Variants in TRDN observed in about 807,000 individuals in gnomAD.
TRDN encodes the protein triadin in skeletal muscle.
In TRDN, 161 loss-of-function variants were observed where a neutral mutation model predicts 149.7. The ratio of observed to expected loss-of-function variants is 1.08; its 90% CI spans 0.95 to 1.23. TRDN has a LOEUF of 1.23. TRDN is among the 50% of genes most tolerant of loss of function. The pLI, the probability that TRDN is intolerant of heterozygous loss-of-function variation, is 0.00. For missense variants in TRDN, 896 were observed against 823.5 expected (o/e 1.09, Z -1.08); for synonymous variants, 294 against 250.5 (o/e 1.17, Z -1.64).
intron 24 of TRDN, among the ~76,000 whole-genome samples, chr6:123,283,820 G>GA (rs960571312): frequency 1.2e-4 from 18 of 147,976 alleles, no homozygotes; most frequent in African/African-American, 4.5e-4. Flanking sequence ...AATTACCAAT[G>GA]AAAAAAAATT....
chr6:123,353,084 C>G (rs1245800715), intron 20 of TRDN, among the ~76,000 whole-genome samples: 2 of 151,770 alleles, frequency 1.3e-5, no homozygotes, highest in East Asian at 3.9e-4. Context: ...GGTGCTGTAC[C>G]CCTTTCTCTA....
chr6:123,559,630 G>A (rs746016456), intron 2 of TRDN, among the ~76,000 whole-genome samples: 17 of 152,098 alleles, frequency 1.1e-4, no homozygotes, highest in Admixed American at 2.0e-4. Context: ...CCATCCCACA[G>A]CATGCTTTGA....
At chr6:123,249,843 C>A (rs967548613) in intron 38 of TRDN, among the ~76,000 whole-genome samples, 21 of 152,002 alleles carry the variant, frequency 1.4e-4, no homozygotes, top group African/African-American at 5.1e-4. Flanking sequence ...AATAGAATGT[C>A]CCAGCCAGAA....
intron 38 of TRDN, among the ~76,000 whole-genome samples, chr6:123,247,882 T>A (rs2114560505): frequency 6.6e-6 from 1 of 152,268 alleles, no homozygotes; most frequent in South Asian, 2.1e-4. Flanking sequence ...AACAGCATGG[T>A]ACTGGTACCA....
At chr6:123,539,567 T>C (rs1405781761) in intron 4 of TRDN, among the ~76,000 whole-genome samples, 2 of 152,158 alleles carry the variant, frequency 1.3e-5, no homozygotes, top group African/African-American at 4.8e-5. Flanking sequence ...AGGGAAACAA[T>C]ACCAATACCT....
Position 123,619,341 on chromosome 6 carries a change from T to C in TRDN, c.22+17413A>G, listed in dbSNP as rs536662487. Among the ~76,000 whole-genome samples, 7 of 152,286 alleles carry C rather than the reference T, an allele frequency of 4.6e-5. No individual in the cohort carries two copies. The South Asian group carries it at 1.4e-3, about 32-fold the overall frequency. ...GGGACTAGAGGATCCATTATCAAGATGACTCATTCACATTGCTGGAAAGTT... is the reference window on the plus strand; with the variant it reads ...GGGACTAGAGGATCCATTATCAAGACGACTCATTCACATTGCTGGAAAGTT... On this transcript the variant is annotated intron_variant, in intron 1 of 40. Coordinates refer to ENST00000334268, the MANE Select transcript of TRDN (RefSeq NM_006073.4).
intron 12 of TRDN, among the ~76,000 whole-genome samples, chr6:123,422,735 C>T (rs1237932829): frequency 6.6e-6 from 1 of 151,994 alleles, no homozygotes; most frequent in African/African-American, 2.4e-5. Flanking sequence ...TAAAATGGGG[C>T]AAGTTTATGT....
At chr6:123,352,854 C>T (rs574117509) in intron 20 of TRDN, among the ~76,000 whole-genome samples, 6 of 151,870 alleles carry the variant, frequency 4.0e-5, no homozygotes, top group Non-Finnish European at 7.4e-5. Context: ...TAAACAAGCT[C>T]TACATAGAAT....
chr6:123,591,130 G>C (rs907481398), intron 1 of TRDN, among the ~76,000 whole-genome samples: 1 of 152,084 alleles, frequency 6.6e-6, no homozygotes, highest in African/African-American at 2.4e-5. Context: ...CAAATCCATA[G>C]AGTATTTTTC....
At chr6:123,350,057 A>C (rs1780399321) in intron 21 of TRDN, 3 of 983,274 alleles carry the variant, frequency 3.1e-6, no homozygotes, top group Non-Finnish European at 3.6e-6. Context: ...ATTTTATTAT[A>C]GTGAACTCTG....
intron 38 of TRDN, among the ~76,000 whole-genome samples, chr6:123,227,656 ATTAAG>A (rs1263617785): frequency 2.6e-5 from 4 of 152,132 alleles, no homozygotes; most frequent in South Asian, 2.1e-4. Flanking sequence ...GCTAGGCCCT[ATTAAG>A]TTATTTCATA....
At chr6:123,505,468 T>C (rs559411988) in intron 7 of TRDN, among the ~76,000 whole-genome samples, 47 of 152,146 alleles carry the variant, frequency 3.1e-4, no homozygotes, top group Non-Finnish European at 6.5e-4. Context: ...AAAACACTGT[T>C]TCTCAGATAC....
intron 1 of TRDN, among the ~76,000 whole-genome samples, chr6:123,584,895 A>C (rs1011431314): frequency 3.9e-5 from 6 of 152,168 alleles, no homozygotes; most frequent in African/African-American, 1.4e-4. Context: ...CAGATCCTGA[A>C]CTAACTTGTA....
At chr6:123,246,639 G>T (rs561765569) in intron 38 of TRDN, among the ~76,000 whole-genome samples, 1 of 151,898 alleles carries the variant, frequency 6.6e-6, no homozygotes, top group East Asian at 1.9e-4. Flanking sequence ...TGGATTCACA[G>T]CCAAGTTCTA....
chr6:123,292,916 C>T (rs977252194), intron 24 of TRDN, among the ~76,000 whole-genome samples: 8 of 152,132 alleles, frequency 5.3e-5, no homozygotes, highest in African/African-American at 1.7e-4. Flanking sequence ...ATCACTTTAG[C>T]CAATCCCTTG....
intron 28 of TRDN, 79 bp from the exon 29 acceptor site, chr6:123,273,090 C>T: frequency 2.2e-6 from 2 of 926,396 alleles, no homozygotes; most frequent in African/African-American, 1.8e-5. Flanking sequence ...CAAATGTGCC[C>T]ATAGAGAAAA....
At chr6:123,513,839 C>T (rs1779291822) in intron 6 of TRDN, among the ~76,000 whole-genome samples, 1 of 151,896 alleles carries the variant, frequency 6.6e-6, no homozygotes, top group Non-Finnish European at 1.5e-5. Context: ...CATATTTCAA[C>T]TTATCTGATT....
chr6:123,609,214 A>T (rs1449142124), intron 1 of TRDN, among the ~76,000 whole-genome samples: 1 of 152,074 alleles, frequency 6.6e-6, no homozygotes, highest in Non-Finnish European at 1.5e-5. Context: ...TATTCAACAA[A>T]AAAGGATCAG....
chr6:123,488,320 AATG>A (rs952807042), intron 9 of TRDN, among the ~76,000 whole-genome samples: 5 of 152,100 alleles, frequency 3.3e-5, no homozygotes, highest in African/African-American at 1.2e-4. Flanking sequence ...ATGCTAAACA[AATG>A]ATATTTGGAC....
Sources: gnomAD v4.1 joint callset for allele counts (sites outside exome capture counted in the v4.1 genomes callset) on GRCh38, gnomAD v4.1.1 for gene constraint, MANE v1.5 for transcripts, NCBI Gene and HGNC (gene_info 2026-07-23, HGNC 2026-07-21) for gene names.